BTBD8: variants seen among roughly 807,000 people sequenced by gnomAD.
BTBD8 encodes the protein BTB domain containing 8, also known as BTB/POZ domain-containing protein 8.
BTBD8 carries 110 observed loss-of-function variants against 162.9 expected under a neutral mutation model. The ratio of observed to expected loss-of-function variants is 0.68; its 90% CI spans 0.58 to 0.79. BTBD8 has a LOEUF of 0.79. BTBD8 is among the 30% of genes least tolerant of loss of function. BTBD8 has a pLI of 0.00. For synonymous variants in BTBD8, 667 were observed against 716.1 expected (o/e 0.93, Z 1.10); for missense variants, 1,905 against 2,085.4 (o/e 0.91, Z 1.68).
intron 11 of BTBD8, 114 bp downstream of exon 11, chr1:92,168,099 G>A: frequency 1.2e-6 from 1 of 844,934 alleles, no homozygotes; most frequent in Non-Finnish European, 1.7e-6. Flanking sequence ...GGATACCTAG[G>A]GGTGGATTAA....
At chr1:92,178,898 T>C (rs934901636) in intron 16 of BTBD8, among the ~76,000 whole-genome samples, 2 of 152,198 alleles carry the variant, frequency 1.3e-5, no homozygotes, top group African/African-American at 4.8e-5. Context: ...GAAAGTTCCA[T>C]TGATAATTAT....
intron 13 of BTBD8, among the ~76,000 whole-genome samples, chr1:92,176,179 T>C (rs984205117): frequency 1.3e-5 from 2 of 152,200 alleles, no homozygotes; most frequent in African/African-American, 2.4e-5. Context: ...AAGTCTTTAA[T>C]GATAAAATTT....
intron 4 of BTBD8, 134 bp downstream of exon 4, chr1:92,108,135 G>T (rs1191636971): frequency 2.4e-6 from 2 of 817,526 alleles, no homozygotes; most frequent in Non-Finnish European, 4.1e-6. Context: ...AGGCCAAAGG[G>T]GTTCCACTGT....
chr1:92,123,473 A>C (rs747244469), intron 4 of BTBD8, among the ~76,000 whole-genome samples: 2 of 152,038 alleles, frequency 1.3e-5, no homozygotes, highest in African/African-American at 2.4e-5. Flanking sequence ...CCATGAGCAT[A>C]TTTTCACTCT....
chr1:92,087,306 G>C (rs1215256079), intron 1 of BTBD8, among the ~76,000 whole-genome samples: 2 of 150,320 alleles, frequency 1.3e-5, no homozygotes. Flanking sequence ...TGAGGGGTGG[G>C]ATGGGGGGAA....
rs1247144409 is a variant in BTBD8 at position 92,107,945 on chromosome 1, AC to A, written c.608del (p.Pro203LeufsTer22). The A allele has an allele frequency of 3.7e-6, 6 of 1,613,982 alleles. No individual in the cohort carries two copies. In the African/African-American group the frequency reaches 4.0e-5, roughly 11 times the overall value. On this transcript the variant is annotated frameshift_variant, in exon 4 of 18. Transcript: ENST00000636805. LOFTEE classifies it high-confidence loss of function. The stretch of plus-strand genomic sequence containing the variant: ...AAGATTTATTGAAGCTTTATGTGAA[AC>A]CTTGTTGCCCAGATATTGATATTTT... The part of the protein sequence containing the change: ...GEDLLKLYVK[P>X]CCPDIDIFVD...
At chr1:92,115,401 A>C (rs1224111961) in intron 4 of BTBD8, 2 of 491,528 alleles carry the variant, frequency 4.1e-6, no homozygotes, top group African/African-American at 3.9e-5. Flanking sequence ...CTTATGGCTC[A>C]TGCCCATCAC....
chr1:92,140,844 A>G (rs993927489), intron 6 of BTBD8, among the ~76,000 whole-genome samples: 1 of 152,180 alleles, frequency 6.6e-6, no homozygotes, highest in African/African-American at 2.4e-5. Context: ...TTTGTTCTGT[A>G]TGTCACTTAG....
rs1396389965 is a variant in BTBD8, at chr1:92,167,915, C to T, written c.1373C>T (p.Thr458Ile). Reference protein sequence around the residue: ...TILKAIEENITTENSCSLLMA... With the variant: ...TILKAIEENIITENSCSLLMA... ...TTAAAAGCAATTGAAGAAAATATCA[C>T]CACTGAAAATAGCTGCTCTCTTCTT... is the stretch of plus-strand genomic sequence containing the variant. The change falls in exon 11 of 18, where the codon ACC becomes ATC. Residue 458 changes from threonine (T) to isoleucine (I), a missense_variant. Physicochemically the swap from Thr to Ile is moderately conservative, Grantham distance 89. Transcript: ENST00000636805. 1 of 1,550,590 alleles carries T rather than the reference C, an allele frequency of 6.4e-7. No homozygotes were observed. The highest frequency in any genetic ancestry group is 2.4e-5 in the East Asian group (1 of 40,894).
chr1:92,144,606 A>G (rs1489969624), intron 7 of BTBD8, among the ~76,000 whole-genome samples: 1 of 151,706 alleles, frequency 6.6e-6, no homozygotes, highest in Non-Finnish European at 1.5e-5. Context: ...CCAAGAGTTT[A>G]TAACTGGCAT....
At chr1:92,134,244 G>A (rs1008101629) in intron 5 of BTBD8, among the ~76,000 whole-genome samples, 3 of 152,146 alleles carry the variant, frequency 2.0e-5, no homozygotes, top group African/African-American at 7.2e-5. Context: ...GATTGCCCTG[G>A]CCTTCAATAT....
In BTBD8 at chr1:92,088,976, A is replaced by G. The variant is rs960106050; in HGVS notation, c.347+81A>G. The G allele has an allele frequency of 2.4e-6, 3 of 1,252,498 alleles. No individual in the cohort carries two copies. The Admixed American group carries it at 8.5e-5, about 35-fold the overall frequency. The allele number at this position is 1,252,498 out of a possible 1,614,324, so 77.6% of individuals were successfully genotyped here. ...GTATGTTTTTATTTAATATATTTTC[A>G]TATGTATTTTGTAACCTGATAAGAA... is the stretch of plus-strand genomic sequence containing the variant. On this transcript the variant is annotated intron_variant, in intron 2 of 17. Transcript: ENST00000636805.
intron 2 of BTBD8, among the ~76,000 whole-genome samples, chr1:92,095,261 A>C (rs913363719): frequency 1.3e-5 from 2 of 152,202 alleles, no homozygotes; most frequent in Non-Finnish European, 1.5e-5. Flanking sequence ...GGCCAGAGCC[A>C]GTCAACATTA....
At chr1:92,149,261 A>G in intron 9 of BTBD8, among the ~76,000 whole-genome samples, 1 of 152,228 alleles carries the variant, frequency 6.6e-6, no homozygotes, top group South Asian at 2.1e-4. Flanking sequence ...AGACATGTTA[A>G]TAATAGTTAA....
intron 5 of BTBD8, among the ~76,000 whole-genome samples, chr1:92,130,576 A>G (rs1437724798): frequency 1.3e-5 from 2 of 151,840 alleles, no homozygotes; most frequent in Admixed American, 6.6e-5. Context: ...ACATATACGC[A>G]CACACACATA....
At chr1:92,162,336 G>C (rs1343408404) in intron 9 of BTBD8, among the ~76,000 whole-genome samples, 1 of 152,198 alleles carries the variant, frequency 6.6e-6, no homozygotes, top group East Asian at 1.9e-4. Flanking sequence ...CAGTGAAAGA[G>C]AGTTCACATC....
At chr1:92,143,882 C>T (rs1482004131) in intron 7 of BTBD8, among the ~76,000 whole-genome samples, 2 of 150,476 alleles carry the variant, frequency 1.3e-5, no homozygotes, top group Non-Finnish European at 3.0e-5. Flanking sequence ...TTTTGTTGAC[C>T]TAATCCTTAA....
chr1:92,171,425 A>T lies in BTBD8; in HGVS notation c.1600A>T (p.Arg534Ter). 2 of 1,538,802 alleles carry T rather than the reference A, an allele frequency of 1.3e-6. No homozygotes were observed. Among genetic ancestry groups the T allele is most frequent in the Non-Finnish European group, 1.8e-6 (2 of 1,140,466 alleles). Residue 534 changes from arginine to a stop codon, truncating the protein, a stop_gained, in exon 13 of 18, where the codon AGA becomes TGA. Transcript: ENST00000636805. LOFTEE classifies it high-confidence loss of function. The part of the protein sequence containing the change: ...AAAFDKGDDR[R>*]LGKKPIFSSS... ...TGCATTTGACAAAGGTGATGATCGA[A>T]GACTTGGCAAAAAGCCTATATTCAG...
In BTBD8 at chr1:92,138,959, A is replaced by G. The variant is rs1423391289; in HGVS notation, c.753-391A>G. ...AAGAAATCTGTGCAGCATAACAAGA[A>G]TCTTCCTAGTGAATAGATTTGTACA... On this transcript the variant is annotated intron_variant, in intron 5 of 17. Coordinates refer to ENST00000636805, the MANE Select transcript of BTBD8 (RefSeq NM_001376131.1). Among the ~76,000 whole-genome samples, 43 of 152,212 alleles carry G rather than the reference A, an allele frequency of 2.8e-4. 1 individual carries two copies. Among genetic ancestry groups the G allele is most frequent in the Admixed American group, 2.8e-3 (43 of 15,276 alleles).
Sources: allele counts gnomAD v4.1 joint callset (sites outside exome capture counted in the v4.1 genomes callset), GRCh38; gene constraint gnomAD v4.1.1; transcripts MANE v1.5; gene names NCBI Gene and HGNC (gene_info 2026-07-23, HGNC 2026-07-21).